LTBP2: variants seen among roughly 807,000 people sequenced by gnomAD.
The protein encoded by LTBP2 is latent-transforming growth factor beta-binding protein 2.
A neutral mutation model predicts 210.6 loss-of-function variants in LTBP2; 103 were observed. The ratio of observed to expected loss-of-function variants is 0.49; its 90% CI spans 0.42 to 0.58. The LOEUF (loss-of-function observed/expected upper bound fraction) is 0.58, where lower values mean the gene tolerates loss of function less well. LTBP2 is among the 20% of genes least tolerant of loss of function. LTBP2 has a pLI of 0.00. For missense variants in LTBP2, 2,313 were observed against 2,494.5 expected (o/e 0.93, Z 1.55); for synonymous variants, 1,007 against 1,015.0 (o/e 0.99, Z 0.15).
chr14:74,539,885 A>G (rs2087470499), intron 8 of LTBP2, among the ~76,000 whole-genome samples: 1 of 152,216 alleles, frequency 6.6e-6, no homozygotes, highest in Non-Finnish European at 1.5e-5. Flanking sequence ...GGGTCCACCC[A>G]TTAGTCTGGA....
Position 74,603,662 on chromosome 14 carries a change from C to T in LTBP2, c.538G>A (p.Ala180Thr). 1 of 1,614,186 alleles carries T rather than the reference C, an allele frequency of 6.2e-7. No homozygotes were observed. The highest frequency in any genetic ancestry group is 8.5e-7 in the Non-Finnish European group (1 of 1,180,038). The change falls in exon 2 of 36, where the codon GCA becomes ACA. Residue 180 changes from alanine (A) to threonine (T), a missense_variant. By Grantham distance (58) the Ala-to-Thr change is moderately conservative. Transcript: ENST00000261978. Reference protein sequence around the residue: ...GGQCCPGWTTANSTNHCIKPV... With the variant: ...GGQCCPGWTTTNSTNHCIKPV... ...TTGATACAGTGGTTGGTGCTGTTTG[C>T]TGTTGTCCATCCTGGGCAGCACTGT...
chr14:74,548,454 C>T (rs2087606200), intron 8 of LTBP2, among the ~76,000 whole-genome samples: 1 of 152,082 alleles, frequency 6.6e-6, no homozygotes, highest in Non-Finnish European at 1.5e-5. Flanking sequence ...TGTCCAGGGC[C>T]TGCATGCTAT....
intron 20 of LTBP2, 99 bp from the exon 21 acceptor site, chr14:74,509,958 G>A: frequency 6.2e-7 from 1 of 1,609,466 alleles, no homozygotes; most frequent in Non-Finnish European, 8.5e-7. Context: ...GTCTGGGCAG[G>A]GATGTGTTGG....
intron 3 of LTBP2, among the ~76,000 whole-genome samples, chr14:74,556,719 T>C (rs1472661372): frequency 6.6e-6 from 1 of 152,188 alleles, no homozygotes; most frequent in Non-Finnish European, 1.5e-5. Context: ...GATTTTGCCA[T>C]GTTGGCCAGG....
intron 28 of LTBP2, among the ~76,000 whole-genome samples, chr14:74,505,456 G>A (rs905936997): frequency 4.6e-5 from 7 of 152,132 alleles, no homozygotes; most frequent in Non-Finnish European, 1.0e-4. Flanking sequence ...CCTCCCCTGC[G>A]CTTTGCGGTA....
chr14:74,609,235 A>C (rs1595307036), intron 1 of LTBP2, among the ~76,000 whole-genome samples: 1 of 152,142 alleles, frequency 6.6e-6, no homozygotes, highest in South Asian at 2.1e-4. Flanking sequence ...AGTGTCAGGG[A>C]ACCCACTCTT....
At chr14:74,538,337 C>T (rs1035918657) in intron 8 of LTBP2, among the ~76,000 whole-genome samples, 7 of 151,948 alleles carry the variant, frequency 4.6e-5, no homozygotes, top group African/African-American at 9.7e-5. Flanking sequence ...TCTGATAGGT[C>T]GTCACGATTT....
At chr14:74,543,996 C>T (rs906446263) in intron 8 of LTBP2, among the ~76,000 whole-genome samples, 1 of 152,228 alleles carries the variant, frequency 6.6e-6, no homozygotes, top group Non-Finnish European at 1.5e-5. Flanking sequence ...GCTCTCCGGG[C>T]TAGAGGTGCC....
Position 74,586,600 on chromosome 14 carries a change from TTG to T in LTBP2, c.566-484_566-483del, listed in dbSNP as rs1263316892. 6.6e-6 allele frequency among the ~76,000 whole-genome samples: 1 copy of T among 152,164 alleles called. No homozygotes were observed. The highest frequency in any genetic ancestry group is 2.4e-5 in the African/African-American group (1 of 41,440). ...AACACTGGCCTGAAATTCAAGCGGT[TTG>T]AGTTGCTGGGGTTTTCCTGTCACTT... On this transcript the variant is annotated intron_variant, in intron 2 of 35. Coordinates refer to ENST00000261978, the MANE Select transcript of LTBP2 (RefSeq NM_000428.3). This position sits in a 1 kb window ranked among gnomAD's most constrained non-coding sequence, Gnocchi z 4.6.
chr14:74,596,258 T>TAAATAAATAAAA (rs2088360084), intron 2 of LTBP2, among the ~76,000 whole-genome samples: 1 of 150,062 alleles, frequency 6.7e-6, no homozygotes, highest in Admixed American at 6.6e-5. Flanking sequence ...AATAAATAAA[T>TAAATAAATAAAA]AAATAAAAAT....
At chr14:74,606,717 T>C (rs1290052250) in intron 1 of LTBP2, among the ~76,000 whole-genome samples, 1 of 152,170 alleles carries the variant, frequency 6.6e-6, no homozygotes, top group Non-Finnish European at 1.5e-5. Flanking sequence ...TAAGCACCTG[T>C]AGTCCCAGCT....
At position 74,555,666 on chromosome 14, in the gene LTBP2, G is replaced by A; in HGVS notation, c.858C>T (p.His286=). ...AGTLSGLSQT[H]PSQQHVGLSR... ...ACAACCCCACGTGCTGCTGGGAAGG[G>A]TGGGTCTGGCTGAGGCCACTCAGGG... is the stretch of plus-strand genomic sequence containing the variant. The change falls in exon 4 of 36, where the codon CAC becomes CAT. Residue 286 remains histidine, a synonymous_variant. Transcript: ENST00000261978. 1 of 1,567,050 alleles carries A rather than the reference G, an allele frequency of 6.4e-7. No homozygotes were observed. Among genetic ancestry groups the A allele is most frequent in the Non-Finnish European group, 8.7e-7 (1 of 1,151,866 alleles).
chr14:74,561,426 G>A (rs2087792732), intron 3 of LTBP2, among the ~76,000 whole-genome samples: 1 of 152,148 alleles, frequency 6.6e-6, no homozygotes, highest in Non-Finnish European at 1.5e-5. Flanking sequence ...TGAAAAAACT[G>A]AGTTGCAGAA....
chr14:74,559,389 G>T (rs1375319583), intron 3 of LTBP2, among the ~76,000 whole-genome samples: 2 of 152,190 alleles, frequency 1.3e-5, no homozygotes, highest in Admixed American at 1.3e-4. Context: ...CATTCTGAGA[G>T]GCTCGTCGTG....
At chr14:74,574,063 G>A (rs1403515316) in intron 3 of LTBP2, among the ~76,000 whole-genome samples, 1 of 152,066 alleles carries the variant, frequency 6.6e-6, no homozygotes, top group East Asian at 1.9e-4. Context: ...ATTCAATAAG[G>A]CTCCATCAAT....
At chr14:74,594,322 G>A (rs553018126) in intron 2 of LTBP2, among the ~76,000 whole-genome samples, 2 of 152,162 alleles carry the variant, frequency 1.3e-5, no homozygotes, top group Admixed American at 1.3e-4. Flanking sequence ...CCAACTTCAG[G>A]GTGGGCCCCT....
At chr14:74,557,788 G>C (rs549758525) in intron 3 of LTBP2, among the ~76,000 whole-genome samples, 63 of 152,302 alleles carry the variant, frequency 4.1e-4, no homozygotes, top group South Asian at 3.1e-3. Context: ...GCTGAGAGAG[G>C]CTCAGTCCTT....
intron 3 of LTBP2, 138 bp from the exon 4 acceptor site, chr14:74,555,831 T>C: frequency 1.8e-6 from 1 of 564,590 alleles, no homozygotes; most frequent in Non-Finnish European, 2.8e-6. Flanking sequence ...TATGGCTGAC[T>C]CCCAGACATG....
chr14:74,597,448 A>G (rs1421023573), intron 2 of LTBP2, among the ~76,000 whole-genome samples: 1 of 152,154 alleles, frequency 6.6e-6, no homozygotes, highest in Non-Finnish European at 1.5e-5. Flanking sequence ...GAGGGAGGAA[A>G]CTGCCAGCCA....
Sources: gnomAD v4.1 joint callset for allele counts (sites outside exome capture counted in the v4.1 genomes callset) on GRCh38, gnomAD v4.1.1 for gene constraint, Gnocchi (gnomAD v3.1) non-coding constraint, MANE v1.5 for transcripts, NCBI Gene and HGNC (gene_info 2026-07-23, HGNC 2026-07-21) for gene names.